The following RFX4 variants were observed in gnomAD, a reference collection of about 807,000 sequenced individuals.
RFX4 encodes the protein regulatory factor X4.
In RFX4, 10 loss-of-function variants were observed where a neutral mutation model predicts 95.0. The observed-to-expected ratio is 0.11, with a 90% CI of 0.06 to 0.18. The LOEUF is 0.18. Among genes scored for constraint, RFX4 ranks in the 10% least tolerant of loss-of-function variants. RFX4 has a pLI of 1.00. For synonymous variants in RFX4, 321 were observed against 340.7 expected, an observed-to-expected ratio of 0.94 and a Z score of 0.64; for missense variants, 640 against 922.0, an observed-to-expected ratio of 0.69 and a Z score of 3.96.
chr12:106,709,321 T>G lies in RFX4; in HGVS notation c.834-9T>G. 1 of 1,612,598 alleles carries G rather than the reference T, an allele frequency of 6.2e-7. No individual in the cohort carries two copies. The highest frequency in any genetic ancestry group is 8.5e-7 in the Non-Finnish European group (1 of 1,178,958). ...TGCAGCACTTAAAACTCATCGTTTC[T>G]TTTTCTAGCTTAACTCAGGTGATTC... On this transcript the variant is annotated splice_polypyrimidine_tract_variant and intron_variant, in intron 8 of 17. Transcript: ENST00000392842.
chr12:106,664,094 C>G (rs146968756), intron 4 of RFX4, among the ~76,000 whole-genome samples: 2 of 151,818 alleles, frequency 1.3e-5, no homozygotes, highest in East Asian at 3.9e-4. Context: ...GAAGTAGTCC[C>G]TCTGCTTCTG....
At chr12:106,710,777 T>G (rs1269265427) in intron 9 of RFX4, among the ~76,000 whole-genome samples, 1 of 152,138 alleles carries the variant, frequency 6.6e-6, no homozygotes, top group Admixed American at 6.5e-5. Context: ...CTGCAACCAC[T>G]CTGTAAGAAT....
intron 8 of RFX4, among the ~76,000 whole-genome samples, chr12:106,697,245 A>G (rs1245874014): frequency 6.6e-6 from 1 of 152,130 alleles, no homozygotes; most frequent in Non-Finnish European, 1.5e-5. Context: ...CCTTGTAAAT[A>G]AACCCACCCA....
At chr12:106,621,847 G>A (rs936660113) in intron 2 of RFX4, among the ~76,000 whole-genome samples, 2 of 152,280 alleles carry the variant, frequency 1.3e-5, no homozygotes, top group East Asian at 1.9e-4. Flanking sequence ...TCGGGAAAAC[G>A]CCAAGGTGGC....
At chr12:106,685,576 T>C (rs544288576) in intron 5 of RFX4, among the ~76,000 whole-genome samples, 2 of 151,748 alleles carry the variant, frequency 1.3e-5, no homozygotes, top group Admixed American at 6.6e-5. Flanking sequence ...TGGGCCCCAT[T>C]CCCAGATGTT....
At chr12:106,612,771 G>T (rs2039988541) in intron 2 of RFX4, among the ~76,000 whole-genome samples, 1 of 152,086 alleles carries the variant, frequency 6.6e-6, no homozygotes. Context: ...CTGGGAGGCA[G>T]AGGGTGCAGT....
At chr12:106,718,596 T>C (rs2042337457) in intron 11 of RFX4, among the ~76,000 whole-genome samples, 1 of 152,230 alleles carries the variant, frequency 6.6e-6, no homozygotes, top group Admixed American at 6.5e-5. Context: ...TTACTTCTTG[T>C]AGCAAGCGTC....
chr12:106,586,224 G>T lies in RFX4; in HGVS notation c.43+2861G>T, dbSNP rs1047181438. Among the ~76,000 whole-genome samples the T allele has an allele frequency of 6.6e-6, 1 of 152,090 alleles. No individual in the cohort carries two copies. Among genetic ancestry groups the T allele is most frequent in the Non-Finnish European group, 1.5e-5 (1 of 67,998 alleles). ...TCGACGCACCTTCTGGCCGGTGCGC[G>T]GTTTGCAGTAAGCGCAGGCGCGCGT... On this transcript the variant is annotated intron_variant, in intron 1 of 17. Coordinates refer to ENST00000392842, the MANE Select transcript of RFX4 (RefSeq NM_213594.3). This position sits in a 1 kb window ranked among gnomAD's most constrained non-coding sequence, Gnocchi z 5.6.
At chr12:106,590,849 A>C (rs2039529510) in intron 1 of RFX4, among the ~76,000 whole-genome samples, 1 of 152,170 alleles carries the variant, frequency 6.6e-6, no homozygotes, top group Non-Finnish European at 1.5e-5. Context: ...CAGGAGGCTG[A>C]GATGGGAGGA....
At chr12:106,623,356 G>T (rs2040224205) in intron 2 of RFX4, among the ~76,000 whole-genome samples, 2 of 152,002 alleles carry the variant, frequency 1.3e-5, no homozygotes, top group Non-Finnish European at 1.5e-5. Context: ...TTTTGCACTT[G>T]TCTACCTCTC....
At chr12:106,740,793 C>T (rs547005464) in intron 15 of RFX4, among the ~76,000 whole-genome samples, 1 of 142,492 alleles carries the variant, frequency 7.0e-6, no homozygotes, top group Admixed American at 7.0e-5. Context: ...AAAGTGGGGA[C>T]GCATCTTAGT....
At chr12:106,639,758 T>C (rs2040581990) in intron 3 of RFX4, among the ~76,000 whole-genome samples, 1 of 152,220 alleles carries the variant, frequency 6.6e-6, no homozygotes, top group African/African-American at 2.4e-5. Flanking sequence ...ATTACAATTG[T>C]ATATAATTAT....
intron 15 of RFX4, among the ~76,000 whole-genome samples, chr12:106,741,476 A>G (rs1946673715): frequency 6.6e-6 from 1 of 152,230 alleles, no homozygotes; most frequent in African/African-American, 2.4e-5. Context: ...TAGCTATCCA[A>G]AACAGTAGCC....
At chr12:106,748,368 T>C (rs2042934231) in intron 16 of RFX4, among the ~76,000 whole-genome samples, 1 of 152,220 alleles carries the variant, frequency 6.6e-6, no homozygotes, top group African/African-American at 2.4e-5. Context: ...CTTCCCCACC[T>C]GAGGGCTGGA....
At chr12:106,601,364 G>A (rs768877089) in intron 1 of RFX4, 3 of 1,568,426 alleles carry the variant, frequency 1.9e-6, no homozygotes, top group East Asian at 2.4e-5. Flanking sequence ...CCAGGGCCCA[G>A]GGACAGGAGA....
chr12:106,635,608 C>T (rs2040496559), intron 2 of RFX4, among the ~76,000 whole-genome samples: 1 of 152,100 alleles, frequency 6.6e-6, no homozygotes, highest in Non-Finnish European at 1.5e-5. Context: ...CTACCATGCC[C>T]GGTCCCATGT....
chr12:106,640,727 T>A (rs962594211), intron 3 of RFX4, among the ~76,000 whole-genome samples: 1 of 151,794 alleles, frequency 6.6e-6, no homozygotes, highest in South Asian at 2.1e-4. Flanking sequence ...GAGGCATCGA[T>A]GTAAAGGACT....
At chr12:106,655,409 C>A (rs1020274511) in intron 4 of RFX4, among the ~76,000 whole-genome samples, 3 of 152,192 alleles carry the variant, frequency 2.0e-5, no homozygotes, top group African/African-American at 7.2e-5. Flanking sequence ...TTTCTTCAAT[C>A]CTTCAGTATT....
At chr12:106,703,026 A>G (rs2042020661) in intron 8 of RFX4, among the ~76,000 whole-genome samples, 1 of 152,192 alleles carries the variant, frequency 6.6e-6, no homozygotes, top group African/African-American at 2.4e-5. Context: ...CAAGAGTTCT[A>G]TACTCTCATG....
Sources: gnomAD v4.1 joint callset for allele counts (sites outside exome capture counted in the v4.1 genomes callset) on GRCh38, gnomAD v4.1.1 for gene constraint, Gnocchi (gnomAD v3.1) non-coding constraint, MANE v1.5 for transcripts, NCBI Gene and HGNC (gene_info 2026-07-23, HGNC 2026-07-21) for gene names.